The following RPS6KC1 variants were observed in gnomAD, a reference collection of about 807,000 sequenced individuals.
RPS6KC1 encodes the protein inactive ribosomal protein S6 kinase delta-1.
Under a neutral mutation model 103.8 loss-of-function variants are expected in RPS6KC1, and 54 were observed. That is an observed-to-expected ratio of 0.52 (90% CI 0.42 to 0.65). The LOEUF (loss-of-function observed/expected upper bound fraction) is 0.65. Ranked by LOEUF, RPS6KC1 falls within the 30% of genes least tolerant of loss-of-function variation. RPS6KC1 has a pLI of 0.00. For missense variants in RPS6KC1, 1,151 were observed against 1,253.8 expected (o/e 0.92, Z 1.24); for synonymous variants, 439 against 438.7 (o/e 1.00, Z -0.01).
At chr1:213,806,449 G>C in the RPS6KC1 span, among the ~76,000 whole-genome samples, 1 of 152,212 alleles carries the variant, frequency 6.6e-6, no homozygotes, top group Non-Finnish European at 1.5e-5. Flanking sequence ...CTTACTTTAT[G>C]AATCTGGGTG....
chr1:213,602,275 T>TA, the RPS6KC1 span, among the ~76,000 whole-genome samples: 11 of 141,074 alleles, frequency 7.8e-5, no homozygotes, highest in African/African-American at 2.7e-4. Context: ...TTTTTTTTTT[T>TA]CCAGAGTCTC....
chr1:213,121,032 A>G (rs1227932393), intron 5 of RPS6KC1, among the ~76,000 whole-genome samples: 4 of 152,156 alleles, frequency 2.6e-5, no homozygotes. Context: ...GGCTCAAGTG[A>G]TTCTCCTTCC....
chr1:213,364,760 C>G, the RPS6KC1 span, among the ~76,000 whole-genome samples: 17 of 152,032 alleles, frequency 1.1e-4, no homozygotes, highest in Admixed American at 1.1e-3. Flanking sequence ...TTGAGACCAG[C>G]CTGGTCAACG....
the RPS6KC1 span, among the ~76,000 whole-genome samples, chr1:213,735,491 C>T: frequency 3.3e-5 from 5 of 152,304 alleles, no homozygotes; most frequent in Admixed American, 3.3e-4. Context: ...GAGATGGGGT[C>T]GGGCCAGTCA....
the RPS6KC1 span, among the ~76,000 whole-genome samples, chr1:213,292,124 T>G: frequency 3.9e-5 from 6 of 152,100 alleles, no homozygotes; most frequent in Non-Finnish European, 8.8e-5. Flanking sequence ...GGGGTAGGTA[T>G]AGCTTTAGGA....
At chr1:213,411,359 G>GCCCTCAGCTTGCATCACAA in the RPS6KC1 span, among the ~76,000 whole-genome samples, 1 of 152,184 alleles carries the variant, frequency 6.6e-6, no homozygotes, top group African/African-American at 2.4e-5. Context: ...CAAGCCCTTG[G>GCCCTCAGCTTGCATCACAA]GAGGTGATGT....
chr1:213,093,972 T>G lies in RPS6KC1; in HGVS notation c.263-10482T>G, dbSNP rs555827154. On this transcript the variant is annotated intron_variant, in intron 3 of 14. Coordinates refer to ENST00000366960, the MANE Select transcript of RPS6KC1 (RefSeq NM_012424.6). ...TCTTCTAGGAAGTTTGCCATGCTTC[T>G]TTTCAGCTGAGTTAACTGTTTACCC... Among the ~76,000 whole-genome samples the G allele has an allele frequency of 2.0e-5, 3 of 152,320 alleles. No individual in the cohort carries two copies. In the South Asian group the frequency reaches 6.2e-4, roughly 32 times the overall value.
chr1:213,597,632 T>G, the RPS6KC1 span, among the ~76,000 whole-genome samples: 1 of 152,172 alleles, frequency 6.6e-6, no homozygotes, highest in East Asian at 1.9e-4. Context: ...GCTTCATGAC[T>G]AAGTCACTCA....
the RPS6KC1 span, among the ~76,000 whole-genome samples, chr1:213,775,953 C>G: frequency 6.6e-6 from 1 of 152,142 alleles, no homozygotes; most frequent in Non-Finnish European, 1.5e-5. Flanking sequence ...CTCAAGAAAC[C>G]ACTTTCTTTG....
chr1:213,448,225 C>CAAAAAAAAAAAAAAAAA, the RPS6KC1 span, among the ~76,000 whole-genome samples: 2 of 75,822 alleles, frequency 2.6e-5, no homozygotes, highest in Non-Finnish European at 4.7e-5. Context: ...GTGAGACTGT[C>CAAAAAAAAAAAAAAAAA]AAAAAAAAAA....
At chr1:213,434,028 C>T in the RPS6KC1 span, among the ~76,000 whole-genome samples, 1 of 150,298 alleles carries the variant, frequency 6.7e-6, no homozygotes, top group Non-Finnish European at 1.5e-5. Flanking sequence ...CCCTAATACA[C>T]ATCACGAAGA....
the RPS6KC1 span, among the ~76,000 whole-genome samples, chr1:213,644,889 G>A: frequency 6.6e-6 from 1 of 152,292 alleles, no homozygotes; most frequent in Non-Finnish European, 1.5e-5. Flanking sequence ...AATCTGATCA[G>A]TACAGAAAGG....
At chr1:213,661,275 G>A in the RPS6KC1 span, among the ~76,000 whole-genome samples, 1 of 152,174 alleles carries the variant, frequency 6.6e-6, no homozygotes, top group Non-Finnish European at 1.5e-5. Context: ...ATGTCCTATT[G>A]CAGAAACCAG....
At chr1:213,322,349 G>A in the RPS6KC1 span, among the ~76,000 whole-genome samples, 1 of 152,164 alleles carries the variant, frequency 6.6e-6, no homozygotes, top group African/African-American at 2.4e-5. Flanking sequence ...GAGATTTTAA[G>A]AACTTTGTAG....
At chr1:213,850,786 G>A in the RPS6KC1 span, among the ~76,000 whole-genome samples, 306 of 124,550 alleles carry the variant, frequency 2.5e-3, 2 homozygotes, top group African/African-American at 9.3e-3. Flanking sequence ...CCAATGCTTA[G>A]CTTACTTGGC....
chr1:213,778,039 G>T, the RPS6KC1 span, among the ~76,000 whole-genome samples: 1 of 152,142 alleles, frequency 6.6e-6, no homozygotes, highest in Non-Finnish European at 1.5e-5. Flanking sequence ...TGCAGCCAGG[G>T]TACTCAGGCA....
chr1:213,369,815 G>A, the RPS6KC1 span, among the ~76,000 whole-genome samples: 3 of 152,324 alleles, frequency 2.0e-5, no homozygotes, highest in South Asian at 2.1e-4. Flanking sequence ...CGACCTGGTC[G>A]ACCCAGGGAA....
the RPS6KC1 span, among the ~76,000 whole-genome samples, chr1:213,460,405 C>CTTTTTTT: frequency 9.0e-6 from 1 of 111,164 alleles, no homozygotes; most frequent in Non-Finnish European, 1.9e-5. Flanking sequence ...GCAACCCCTG[C>CTTTTTTT]TTTTTTTTTT....
chr1:213,117,589 G>A (rs1199068897), intron 5 of RPS6KC1, among the ~76,000 whole-genome samples, 179 bp downstream of exon 5: 1 of 151,536 alleles, frequency 6.6e-6, no homozygotes, highest in Non-Finnish European at 1.5e-5. Context: ...ATTGGGTCAG[G>A]CATATCTCAT....
Sources: allele counts gnomAD v4.1 joint callset (sites outside exome capture counted in the v4.1 genomes callset), GRCh38; gene constraint gnomAD v4.1.1; transcripts MANE v1.5; gene names NCBI Gene and HGNC (gene_info 2026-07-23, HGNC 2026-07-21).